POGLUT2: variants seen among roughly 807,000 people sequenced by gnomAD.
POGLUT2 encodes ER protein 58.
POGLUT2 carries 47 observed loss-of-function variants against 57.6 expected under a neutral mutation model. The observed-to-expected ratio is 0.82, with a 90% CI of 0.65 to 1.04. POGLUT2 has a LOEUF of 1.04. Among genes scored for constraint, POGLUT2 ranks in the 50% least tolerant of loss-of-function variants. POGLUT2 has a pLI of 0.00. For synonymous variants in POGLUT2, 200 were observed against 218.8 expected (o/e 0.91, Z 0.76); for missense variants, 565 against 614.8 (o/e 0.92, Z 0.86).
chr13:102,794,011 G>A (rs571511990), intron 2 of POGLUT2, among the ~76,000 whole-genome samples: 25 of 152,278 alleles, frequency 1.6e-4, no homozygotes, highest in African/African-American at 6.0e-4. Flanking sequence ...GCTGAGGCAG[G>A]AAGACAGCCT....
In POGLUT2 at chr13:102,798,902, G is replaced by T; in HGVS notation, c.-232C>A. On this transcript the variant is annotated 5_prime_UTR_variant, in exon 1 of 10. Coordinates refer to ENST00000376004, the MANE Select transcript of POGLUT2 (RefSeq NM_024089.3). The stretch of plus-strand genomic sequence containing the variant: ...GGGTCCCCTGGCGTTCTGCTGTCCC[G>T]GCCGAGAACCGCGCTGCTCCTCTCT... 1 of 475,584 alleles carries T rather than the reference G, an allele frequency of 2.1e-6. No individual in the cohort carries two copies. The highest frequency in any genetic ancestry group is 3.7e-6 in the Non-Finnish European group (1 of 270,336). The allele number at this position is 475,584 out of a possible 1,614,324, so 29.5% of individuals were successfully genotyped here.
chr13:102,789,018 A>G lies in POGLUT2; in HGVS notation c.1287T>C (p.Asp429=). 1 of 1,613,326 alleles carries G rather than the reference A, an allele frequency of 6.2e-7. No homozygotes were observed. ...LEKLKWAKDH[D]EEAKKIAKAG... ...TCAAGGGGACTAACCTTACCTCTTCATCGTGATCTTTCGCCCATTTAAGTT... is the reference window on the plus strand; with the variant it reads ...TCAAGGGGACTAACCTTACCTCTTCGTCGTGATCTTTCGCCCATTTAAGTT... Residue 429 remains aspartate, a synonymous_variant, in exon 7 of 10, where the codon GAT becomes GAC. Coordinates refer to ENST00000376004, the MANE Select transcript of POGLUT2 (RefSeq NM_024089.3).
chr13:102,790,491 G>A (rs527543172), intron 6 of POGLUT2, among the ~76,000 whole-genome samples: 78 of 152,292 alleles, frequency 5.1e-4, no homozygotes, highest in Middle Eastern at 6.8e-3. Flanking sequence ...TGAGTTTCAC[G>A]TCATTCCCCA....
chr13:102,787,905 C>CT lies in POGLUT2; in HGVS notation c.1311dup (p.Ala438SerfsTer9). The CT allele has an allele frequency of 6.3e-7, 1 of 1,590,146 alleles. No individual in the cohort carries two copies. The highest frequency in any genetic ancestry group is 8.6e-7 in the Non-Finnish European group (1 of 1,163,414). On this transcript the variant is annotated frameshift_variant, in exon 8 of 10. Transcript: ENST00000376004. LOFTEE classifies it high-confidence loss of function. ...TTATTTCTTGCAAATTCTTGTCCTG[C>CT]TTTTGCTATCTTTTTGGCCTACAGG...
intron 2 of POGLUT2, among the ~76,000 whole-genome samples, chr13:102,795,630 A>C (rs1173142335): frequency 1.3e-5 from 2 of 152,190 alleles, no homozygotes; most frequent in Non-Finnish European, 2.9e-5. Context: ...ATTTTATAAC[A>C]AATTAATTAC....
intron 2 of POGLUT2, among the ~76,000 whole-genome samples, chr13:102,796,164 G>A (rs1428753900): frequency 2.0e-5 from 3 of 151,760 alleles, no homozygotes; most frequent in Admixed American, 6.6e-5. Flanking sequence ...GCATGGTGGT[G>A]CGTGCCTGTA....
In POGLUT2 at chr13:102,787,833, C is replaced by A; in HGVS notation, c.1383+1G>T. The A allele has an allele frequency of 6.6e-7, 1 of 1,522,342 alleles. No individual in the cohort carries two copies. Among genetic ancestry groups the A allele is most frequent in the Non-Finnish European group, 9.0e-7 (1 of 1,113,970 alleles). 94.3% of individuals were successfully genotyped at this position (1,522,342 alleles called of 1,614,324 possible). A position where few individuals can be genotyped will look rare whatever the true frequency, so the allele number is the denominator to read the frequency against. The stretch of plus-strand genomic sequence containing the variant: ...TGATGATTTTCTTGGAAAATACTGA[C>A]CTGGAAAAGTTTGAAATAATAACAG... On this transcript the variant is annotated splice_donor_variant, in intron 8 of 9. Coordinates refer to ENST00000376004, the MANE Select transcript of POGLUT2 (RefSeq NM_024089.3). LOFTEE classifies it high-confidence loss of function.
At chr13:102,792,019 C>T (rs777978725) in intron 4 of POGLUT2, 118 of 1,289,266 alleles carry the variant, frequency 9.2e-5, no homozygotes, top group Admixed American at 1.1e-4. Flanking sequence ...CTTGAGAAAC[C>T]GAAGTCCTGA....
rs761334297 is a variant in POGLUT2, at chr13:102,787,900, T to A, written c.1317A>T (p.Gly439=). Residue 439 remains glycine, a synonymous_variant, in exon 8 of 10, where the codon GGA becomes GGT. Transcript: ENST00000376004. ...TGAGATTATTTCTTGCAAATTCTTG[T>A]CCTGCTTTTGCTATCTTTTTGGCCT... The part of the protein sequence containing the change: ...DEEAKKIAKA[G]QEFARNNLMG... 1.9e-6 allele frequency: 3 copies of A among 1,592,132 alleles called. No homozygotes were observed. The East Asian group carries it at 6.7e-5, about 36-fold the overall frequency.
intron 6 of POGLUT2, among the ~76,000 whole-genome samples, chr13:102,789,728 G>A (rs1185355895): frequency 9.9e-5 from 15 of 152,114 alleles, no homozygotes; most frequent in Admixed American, 6.5e-5. Context: ...ATCCCCAGTC[G>A]CTGGCATTAG....
chr13:102,791,917 T>G lies in POGLUT2; in HGVS notation c.673-487A>C, dbSNP rs1878196512. ...GCATGAATATGTAAAGAGGATATGTTTTATCTAGTCACAGAAAATGTTTAG... is the reference window on the plus strand; with the variant it reads ...GCATGAATATGTAAAGAGGATATGTGTTATCTAGTCACAGAAAATGTTTAG... On this transcript the variant is annotated intron_variant, in intron 4 of 9. Coordinates refer to ENST00000376004, the MANE Select transcript of POGLUT2 (RefSeq NM_024089.3). 1.0e-5 allele frequency: 11 copies of G among 1,054,332 alleles called. 1 individual carries two copies. In the South Asian group the frequency reaches 1.5e-4, roughly 14 times the overall value. The allele number at this position is 1,054,332 out of a possible 1,614,324, so 65.3% of individuals were successfully genotyped here.
At chr13:102,786,997 C>T (rs1167832942) in intron 8 of POGLUT2, among the ~76,000 whole-genome samples, 1 of 151,906 alleles carries the variant, frequency 6.6e-6, no homozygotes, top group African/African-American at 2.4e-5. Flanking sequence ...AGATCTAGTA[C>T]TGTTATTAGC....
chr13:102,795,528 A>C lies in POGLUT2; in HGVS notation c.388+1276T>G, dbSNP rs150709308. Among the ~76,000 whole-genome samples, 433 of 152,270 alleles carry C rather than the reference A, an allele frequency of 2.8e-3. 1 individual carries two copies. Among genetic ancestry groups the C allele is most frequent in the Non-Finnish European group, 5.0e-3 (339 of 68,014 alleles). On this transcript the variant is annotated intron_variant, in intron 2 of 9. Transcript: ENST00000376004. ...CAGTAAGCAGTGATTGCACCACTGC[A>C]CTCCAGCCTGGGCAACAGAGCGAGA...
rs534516721 is a variant in POGLUT2, at chr13:102,798,005, T to C, written c.182+484A>G. 2.6e-5 allele frequency among the ~76,000 whole-genome samples: 4 copies of C among 152,334 alleles called. No individual in the cohort carries two copies. The East Asian group carries it at 7.7e-4, about 29-fold the overall frequency. ...GAACAAAATATTTGTTACAATCATA[T>C]AGGAGATTAATACTTCGATACTTTC... On this transcript the variant is annotated intron_variant, in intron 1 of 9. Coordinates refer to ENST00000376004, the MANE Select transcript of POGLUT2 (RefSeq NM_024089.3).
intron 9 of POGLUT2, among the ~76,000 whole-genome samples, chr13:102,785,783 G>T (rs1013942035): frequency 6.6e-6 from 1 of 152,164 alleles, no homozygotes; most frequent in Non-Finnish European, 1.5e-5. Context: ...AGATCCTTAT[G>T]TAGTGGTATC....
rs545430092 is a variant in POGLUT2, at chr13:102,784,880, G to A, written c.1492-368C>T. Reference sequence around the variant, plus strand: ...TGGCTGGGTACCTCCTCTCAATCACGTAGATGAAGATAAATAACTGAGCAG... The same window carrying A: ...TGGCTGGGTACCTCCTCTCAATCACATAGATGAAGATAAATAACTGAGCAG... On this transcript the variant is annotated intron_variant, in intron 9 of 9. Transcript: ENST00000376004. Among the ~76,000 whole-genome samples, 171 of 152,302 alleles carry A rather than the reference G, an allele frequency of 1.1e-3. 1 individual carries two copies. Among genetic ancestry groups the A allele is most frequent in the African/African-American group, 3.9e-3 (162 of 41,572 alleles).
chr13:102,796,642 C>G (rs1357762258), intron 2 of POGLUT2, among the ~76,000 whole-genome samples, 162 bp downstream of exon 2: 1 of 142,272 alleles, frequency 7.0e-6, no homozygotes, highest in African/African-American at 2.6e-5. Flanking sequence ...GGACTCATAA[C>G]TTAGCTTTCA....
chr13:102,797,487 G>T (rs1346795647), intron 1 of POGLUT2, among the ~76,000 whole-genome samples: 1 of 151,930 alleles, frequency 6.6e-6, no homozygotes, highest in African/African-American at 2.4e-5. Flanking sequence ...CAACATCTTG[G>T]GAGGCCAAGG....
chr13:102,793,690 C>G lies in POGLUT2; in HGVS notation c.505G>C (p.Ala169Pro). ...ACTGCAATCTTTTCTGGATCCACAG[C>G]AGGGAAATGTGCCAGATCTCTCTGA... The part of the protein sequence containing the change: ...QIQRDLAHFP[A>P]VDPEKIAVEI... Residue 169 changes from alanine (A) to proline (P), a missense_variant, in exon 3 of 10, where the codon GCT becomes CCT. Physicochemically the swap from Ala to Pro is conservative, Grantham distance 27 (BLOSUM62 -1). Transcript: ENST00000376004. 6.2e-7 allele frequency: 1 copy of G among 1,614,194 alleles called. No homozygotes were observed. Among genetic ancestry groups the G allele is most frequent in the Non-Finnish European group, 8.5e-7 (1 of 1,180,016 alleles).
Sources: gnomAD v4.1 joint callset for allele counts (sites outside exome capture counted in the v4.1 genomes callset) on GRCh38, gnomAD v4.1.1 for gene constraint, MANE v1.5 for transcripts, NCBI Gene and HGNC (gene_info 2026-07-23, HGNC 2026-07-21) for gene names.